The following PARD3 variants were observed in gnomAD, a reference collection of about 807,000 sequenced individuals.
The protein encoded by PARD3 is par-3 family cell polarity regulator.
In PARD3, 75 loss-of-function variants were observed where a neutral mutation model predicts 155.4. The ratio of observed to expected loss-of-function variants is 0.48; its 90% CI spans 0.40 to 0.58. PARD3 has a LOEUF of 0.58. Among genes scored for constraint, PARD3 ranks in the 20% least tolerant of loss-of-function variants. The probability of loss-of-function intolerance (pLI) is 0.00; values close to 1 mark genes in which losing one functional copy is unlikely to be tolerated. For synonymous variants in PARD3, 576 were observed against 610.5 expected, an observed-to-expected ratio of 0.94 and a Z score of 0.83; for missense variants, 1,642 against 1,721.7, an observed-to-expected ratio of 0.95 and a Z score of 0.82.
In PARD3 at chr10:34,595,310, T is replaced by C. The variant is rs7905872; in HGVS notation, c.223-78151A>G. Among the ~76,000 whole-genome samples, 1,116 of 152,284 alleles carry C rather than the reference T, an allele frequency of 7.3e-3. 13 individuals carry two copies. The highest frequency in any genetic ancestry group is 0.026 in the African/African-American group (1,075 of 41,568). On this transcript the variant is annotated intron_variant, in intron 2 of 24. Coordinates refer to ENST00000374788, the MANE Select transcript of PARD3 (RefSeq NM_001184785.2). ...TCATGAACTGAAACTACAATAGAAA[T>C]TTCCATTGCAAAATATTAATGGCCT...
intron 2 of PARD3, among the ~76,000 whole-genome samples, chr10:34,668,884 A>C (rs1176215254): frequency 1.3e-5 from 2 of 152,148 alleles, no homozygotes; most frequent in Non-Finnish European, 2.9e-5. Flanking sequence ...CAAAGCAAAG[A>C]TAGATTGGGT....
At chr10:34,378,145 A>G (rs1485019730) in intron 9 of PARD3, 39 bp from the exon 10 acceptor site, 12 of 1,514,304 alleles carry the variant, frequency 7.9e-6, no homozygotes, top group East Asian at 2.5e-5. Flanking sequence ...ATAAAATGAG[A>G]TATCTTGAAT....
At chr10:34,390,620 T>C (rs1344429801) in intron 7 of PARD3, among the ~76,000 whole-genome samples, 1 of 152,040 alleles carries the variant, frequency 6.6e-6, no homozygotes, top group African/African-American at 2.4e-5. Context: ...AAGGTATCCT[T>C]CCCCAGTCCT....
At position 34,549,304 on chromosome 10, in the gene PARD3, A is replaced by AT. The variant is rs756168962; in HGVS notation, c.223-32146dup. On this transcript the variant is annotated intron_variant, in intron 2 of 24. Transcript: ENST00000374788. ...AATGTACAAAACCCTATTTTAAATA[A>AT]TTTTTTCCTTTGAAAGTCTTAAATT... Among the ~76,000 whole-genome samples the AT allele has an allele frequency of 1.4e-3, 219 of 152,216 alleles. 1 individual carries two copies. The highest frequency in any genetic ancestry group is 2.4e-3 in the Non-Finnish European group (163 of 68,004).
In PARD3 at chr10:34,809,737, T is replaced by G. The variant is rs560369693; in HGVS notation, c.120+5139A>C. ...AAGGCGCTTCAGCACCAGAGGACAA[T>G]GTGACTTGAATTCTGGAAAGATCAG... On this transcript the variant is annotated intron_variant, in intron 1 of 24. Coordinates refer to ENST00000374788, the MANE Select transcript of PARD3 (RefSeq NM_001184785.2). Among the ~76,000 whole-genome samples, 643 of 152,298 alleles carry G rather than the reference T, an allele frequency of 4.2e-3. 1 individual carries two copies. Among genetic ancestry groups the G allele is most frequent in the Non-Finnish European group, 7.0e-3 (477 of 68,038 alleles).
At chr10:34,332,223 T>C (rs1376217259) in intron 18 of PARD3, among the ~76,000 whole-genome samples, 4 of 152,210 alleles carry the variant, frequency 2.6e-5, no homozygotes, top group Non-Finnish European at 5.9e-5. Flanking sequence ...ATAATACCAA[T>C]AGTACCAAGT....
At chr10:34,665,921 G>T (rs993988174) in intron 2 of PARD3, among the ~76,000 whole-genome samples, 2 of 131,806 alleles carry the variant, frequency 1.5e-5, no homozygotes, top group African/African-American at 6.0e-5. Flanking sequence ...GAAAAGAAAA[G>T]AAAAGATTAG....
intron 18 of PARD3, among the ~76,000 whole-genome samples, chr10:34,333,159 G>A (rs1835796694): frequency 6.6e-6 from 1 of 152,014 alleles, no homozygotes; most frequent in South Asian, 2.1e-4. Context: ...GTATGTATTT[G>A]TATGTGAGTA....
chr10:34,687,846 CTTTTTTTTTTTTTT>C (rs397846339), intron 2 of PARD3, among the ~76,000 whole-genome samples: 4 of 63,722 alleles, frequency 6.3e-5, no homozygotes, highest in Non-Finnish European at 1.0e-4. Context: ...CACCTGAAAT[CTTTTTTTTTTTTTT>C]TTTTTTTTTT....
Position 34,269,790 on chromosome 10 carries a change from C to A in PARD3, c.3286G>T (p.Gly1096Trp). 1 of 1,614,020 alleles carries A rather than the reference C, an allele frequency of 6.2e-7. No homozygotes were observed. The highest frequency in any genetic ancestry group is 8.5e-7 in the Non-Finnish European group (1 of 1,179,970). Residue 1096 changes from glycine (G) to tryptophan (W), a missense_variant, in exon 22 of 25, where the codon GGG becomes TGG. This residue lies in a region of PARD3 where 1,529 missense variants were observed against 1,587.3 expected (regional missense o/e 0.96). Coordinates refer to ENST00000374788, the MANE Select transcript of PARD3 (RefSeq NM_001184785.2). The part of the protein sequence containing the change: ...TFGCDDELMY[G>W]GVSSYEGSMA... Reference sequence around the variant, plus strand: ...GAACCTTCATAAGAAGAAACTCCCCCATACATTAACTCATCATCACAGCCA... The same window carrying A: ...GAACCTTCATAAGAAGAAACTCCCCAATACATTAACTCATCATCACAGCCA...
chr10:34,600,962 ATTTTTTTTTTTT>A (rs1028271994), intron 2 of PARD3, among the ~76,000 whole-genome samples: 12 of 90,068 alleles, frequency 1.3e-4, no homozygotes, highest in African/African-American at 5.4e-4. Context: ...CATTTTTTTA[ATTTTTTTTTTTT>A]TTTTTTTTTT....
chr10:34,751,684 G>A (rs1409695740), intron 1 of PARD3, among the ~76,000 whole-genome samples: 1 of 151,870 alleles, frequency 6.6e-6, no homozygotes, highest in East Asian at 1.9e-4. Flanking sequence ...CCTCACTGCA[G>A]CCTCGACTTC....
At chr10:34,605,101 T>C (rs762659640) in intron 2 of PARD3, among the ~76,000 whole-genome samples, 8 of 151,620 alleles carry the variant, frequency 5.3e-5, no homozygotes, top group Non-Finnish European at 1.0e-4. Context: ...TGTTGTACAC[T>C]AGGGTGGTGT....
chr10:34,352,563 T>G lies in PARD3; in HGVS notation c.2068-4448A>C, dbSNP rs762309955. ...GGTTTCGCCATGTTGGCGGGGCTGG[T>G]CTCCAGCTCCTGACCGCGAGTGATC... On this transcript the variant is annotated intron_variant, in intron 14 of 24. Coordinates refer to ENST00000374788, the MANE Select transcript of PARD3 (RefSeq NM_001184785.2). 5.4e-4 allele frequency among the ~76,000 whole-genome samples: 83 copies of G among 152,350 alleles called. No homozygotes were observed. The East Asian group carries it at 9.7e-3, about 18-fold the overall frequency.
rs564334917 is a variant in PARD3 at position 34,532,228 on chromosome 10, A to T, written c.223-15069T>A. On this transcript the variant is annotated intron_variant, in intron 2 of 24. Coordinates refer to ENST00000374788, the MANE Select transcript of PARD3 (RefSeq NM_001184785.2). ...ATCTATATATATATTTTACACATTCATGACATATATTTTTAAATTTTTTTC... is the reference window on the plus strand; with the variant it reads ...ATCTATATATATATTTTACACATTCTTGACATATATTTTTAAATTTTTTTC... 3.3e-5 allele frequency among the ~76,000 whole-genome samples: 5 copies of T among 152,294 alleles called. No individual in the cohort carries two copies. In the South Asian group the frequency reaches 1.0e-3, roughly 32 times the overall value.
chr10:34,444,980 T>C (rs2076663203), intron 5 of PARD3, among the ~76,000 whole-genome samples: 1 of 152,092 alleles, frequency 6.6e-6, no homozygotes, highest in Non-Finnish European at 1.5e-5. Context: ...AGAACTCTGC[T>C]GACCTCACTC....
intron 1 of PARD3, among the ~76,000 whole-genome samples, chr10:34,715,793 C>T (rs2094512067): frequency 6.6e-6 from 1 of 152,202 alleles, no homozygotes; most frequent in Non-Finnish European, 1.5e-5. Flanking sequence ...GAATGGGTCC[C>T]ACCCTCCTAG....
intron 2 of PARD3, among the ~76,000 whole-genome samples, chr10:34,563,771 C>A (rs186990465): frequency 6.6e-6 from 1 of 152,106 alleles, no homozygotes; most frequent in South Asian, 2.1e-4. Flanking sequence ...CCTCGTGATC[C>A]GCCCGCCTTG....
chr10:34,606,046 C>A (rs912045500), intron 2 of PARD3, among the ~76,000 whole-genome samples: 16 of 135,078 alleles, frequency 1.2e-4, no homozygotes, highest in African/African-American at 4.1e-4. Flanking sequence ...TATATATCTT[C>A]TATATATATA....
Sources: gnomAD v4.1 joint callset for allele counts (sites outside exome capture counted in the v4.1 genomes callset) on GRCh38, gnomAD v4.1.1 for gene constraint, gnomAD v4.1.1 regional missense constraint, MANE v1.5 for transcripts, NCBI Gene and HGNC (gene_info 2026-07-23, HGNC 2026-07-21) for gene names.